CCDC171: variants seen among roughly 807,000 people sequenced by gnomAD.
The protein encoded by CCDC171 is coiled-coil domain containing 171.
In CCDC171, 177 loss-of-function variants were observed where a neutral mutation model predicts 168.2. The ratio of observed to expected loss-of-function variants is 1.05; its 90% CI spans 0.93 to 1.19. CCDC171 has a LOEUF of 1.19. CCDC171 is among the 50% of genes most tolerant of loss of function. The pLI is 0.00. For missense variants in CCDC171, 1,991 were observed against 1,539.0 expected, an observed-to-expected ratio of 1.29 and a Z score of -4.91; for synonymous variants, 687 against 540.8, an observed-to-expected ratio of 1.27 and a Z score of -3.75.
At chr9:15,675,622 T>G (rs2049491201) in intron 9 of CCDC171, among the ~76,000 whole-genome samples, 2 of 152,196 alleles carry the variant, frequency 1.3e-5, no homozygotes, top group South Asian at 4.1e-4. Flanking sequence ...TATTTCTCCT[T>G]CACTTATGAA....
intron 4 of CCDC171, among the ~76,000 whole-genome samples, chr9:15,583,211 T>C (rs892284046): frequency 1.3e-5 from 2 of 151,828 alleles, no homozygotes; most frequent in African/African-American, 4.8e-5. Context: ...GGTCAAGAGA[T>C]TGAGACCATC....
chr9:15,924,440 CAAAAAAA>C (rs34003715), intron 25 of CCDC171, among the ~76,000 whole-genome samples: 1 of 140,440 alleles, frequency 7.1e-6, no homozygotes, highest in Non-Finnish European at 1.6e-5. Flanking sequence ...CACACTTAGT[CAAAAAAA>C]AAAAAAAGTC....
At chr9:15,810,255 G>C (rs2059281526) in intron 21 of CCDC171, among the ~76,000 whole-genome samples, 1 of 152,220 alleles carries the variant, frequency 6.6e-6, no homozygotes, top group Non-Finnish European at 1.5e-5. Flanking sequence ...ACAGAGTGCT[G>C]ATTGGTGCAT....
At chr9:15,915,181 A>T (rs1372416827) in intron 24 of CCDC171, among the ~76,000 whole-genome samples, 1 of 152,138 alleles carries the variant, frequency 6.6e-6, no homozygotes, top group Non-Finnish European at 1.5e-5. Context: ...TGGTAATTTG[A>T]TAGAGATTGC....
At chr9:16,005,967 C>T (rs923508040) in intron 3 of CCDC171, among the ~76,000 whole-genome samples, 3 of 151,862 alleles carry the variant, frequency 2.0e-5, no homozygotes, top group Non-Finnish European at 2.9e-5. Context: ...TCAAGTGATT[C>T]TCCTGCCTCA....
chr9:15,575,202 G>C (rs950672120), intron 3 of CCDC171, among the ~76,000 whole-genome samples: 2 of 116,984 alleles, frequency 1.7e-5, no homozygotes, highest in African/African-American at 6.7e-5. Flanking sequence ...GTCTCGCTCT[G>C]TCACCCAGGT....
intron 1 of CCDC171, among the ~76,000 whole-genome samples, chr9:16,049,811 A>G (rs1375535178): frequency 6.6e-6 from 1 of 152,026 alleles, no homozygotes; most frequent in Non-Finnish European, 1.5e-5. Flanking sequence ...TCAATATCCT[A>G]TTGGTTCTGT....
intron 14 of CCDC171, among the ~76,000 whole-genome samples, chr9:15,726,939 A>T (rs1290659660): frequency 6.6e-6 from 1 of 152,160 alleles, no homozygotes; most frequent in Non-Finnish European, 1.5e-5. Context: ...GAAACACCTT[A>T]TAAAGAGAGC....
intron 11 of CCDC171, among the ~76,000 whole-genome samples, chr9:15,717,760 G>A (rs1588122589): frequency 6.6e-6 from 1 of 151,976 alleles, no homozygotes; most frequent in African/African-American, 2.4e-5. Flanking sequence ...GCCTTGAAGT[G>A]AAGGACCCAA....
At position 15,657,220 on chromosome 9, in the gene CCDC171, G is replaced by A; in HGVS notation, c.915+1G>A. 1 of 1,577,004 alleles carries A rather than the reference G, an allele frequency of 6.3e-7. No homozygotes were observed. Among genetic ancestry groups the A allele is most frequent in the East Asian group, 2.2e-5 (1 of 44,558 alleles). On this transcript the variant is annotated splice_donor_variant, in intron 8 of 25. Coordinates refer to ENST00000380701, the MANE Select transcript of CCDC171 (RefSeq NM_173550.4). LOFTEE classifies it high-confidence loss of function. ...AAAATTTAATTCTGAAATTATTCAGGTAAAATGTAAACAAATATTTTGGCC... is the reference window on the plus strand; with the variant it reads ...AAAATTTAATTCTGAAATTATTCAGATAAAATGTAAACAAATATTTTGGCC...
At chr9:15,915,245 T>G (rs925219007) in intron 24 of CCDC171, among the ~76,000 whole-genome samples, 11 of 152,356 alleles carry the variant, frequency 7.2e-5, no homozygotes, top group African/African-American at 2.6e-4. Flanking sequence ...ATATTAATCC[T>G]TCCAATTCAT....
At chr9:15,643,413 T>C (rs2046793402) in intron 7 of CCDC171, among the ~76,000 whole-genome samples, 3 of 152,198 alleles carry the variant, frequency 2.0e-5, no homozygotes, top group Non-Finnish European at 1.5e-5. Flanking sequence ...TGCATCATGC[T>C]TTATACCTAC....
At chr9:15,713,312 C>T (rs1362118751) in intron 11 of CCDC171, among the ~76,000 whole-genome samples, 3 of 27,702 alleles carry the variant, frequency 1.1e-4, no homozygotes, top group South Asian at 4.4e-3. Flanking sequence ...ATAAACCAAG[C>T]CCATTTTTTT....
intron 23 of CCDC171, among the ~76,000 whole-genome samples, chr9:15,867,538 A>C (rs1340816410): frequency 1.3e-5 from 2 of 152,016 alleles, no homozygotes; most frequent in Admixed American, 1.3e-4. Flanking sequence ...CACAGGTGTT[A>C]ACACAGCTGG....
At chr9:15,675,916 C>G (rs1218469856) in intron 9 of CCDC171, among the ~76,000 whole-genome samples, 1 of 152,090 alleles carries the variant, frequency 6.6e-6, no homozygotes, top group Non-Finnish European at 1.5e-5. Context: ...TGAATGTTGT[C>G]TTGTCTTGCT....
chr9:15,793,901 C>CT (rs1485636307), intron 21 of CCDC171, among the ~76,000 whole-genome samples: 1 of 151,956 alleles, frequency 6.6e-6, no homozygotes, highest in Admixed American at 6.6e-5. Flanking sequence ...TATCTATACT[C>CT]TCTGGGGCAT....
intron 3 of CCDC171, among the ~76,000 whole-genome samples, chr9:16,015,226 T>G (rs1203824626): frequency 6.6e-6 from 1 of 152,186 alleles, no homozygotes; most frequent in East Asian, 1.9e-4. Flanking sequence ...CACCTTACAC[T>G]TCTATGTAAT....
chr9:15,796,608 A>G (rs1412273698), intron 21 of CCDC171, among the ~76,000 whole-genome samples: 1 of 152,216 alleles, frequency 6.6e-6, no homozygotes, highest in Non-Finnish European at 1.5e-5. Flanking sequence ...TTGTTTAACT[A>G]CCACTACAGC....
intron 23 of CCDC171, among the ~76,000 whole-genome samples, chr9:15,859,745 A>C (rs2061485099): frequency 6.6e-6 from 1 of 151,466 alleles, no homozygotes; most frequent in Non-Finnish European, 1.5e-5. Context: ...CTGCAGCCTC[A>C]AACCCCTGGG....
Sources: gnomAD v4.1 joint callset for allele counts (sites outside exome capture counted in the v4.1 genomes callset) on GRCh38, gnomAD v4.1.1 for gene constraint, MANE v1.5 for transcripts, NCBI Gene and HGNC (gene_info 2026-07-23, HGNC 2026-07-21) for gene names.